Variants in XYLT1 observed in about 807,000 individuals in gnomAD.
XYLT1 encodes xylosyltransferase 1, also known as beta-D-xylosyltransferase 1.
XYLT1 carries 36 observed loss-of-function variants against 91.3 expected under a neutral mutation model. The observed-to-expected ratio is 0.39, with a 90% CI of 0.30 to 0.52. XYLT1 has a LOEUF of 0.52. XYLT1 is among the 20% of genes least tolerant of loss of function. The pLI, the probability that XYLT1 is intolerant of heterozygous loss-of-function variation, is 0.68. For synonymous variants in XYLT1, 588 were observed against 532.0 expected (o/e 1.11, Z -1.45); for missense variants, 1,242 against 1,284.5 (o/e 0.97, Z 0.51).
intron 5 of XYLT1, among the ~76,000 whole-genome samples, chr16:17,186,668 G>A (rs2032190530): frequency 6.6e-6 from 1 of 152,112 alleles, no homozygotes; most frequent in Admixed American, 6.5e-5. Flanking sequence ...ATAGTGAGAT[G>A]TCAAGCTCCT....
At chr16:17,241,145 A>C (rs556614770) in intron 3 of XYLT1, among the ~76,000 whole-genome samples, 1 of 152,210 alleles carries the variant, frequency 6.6e-6, no homozygotes, top group Non-Finnish European at 1.5e-5. Context: ...TTGCTCTACA[A>C]ATGCATTATT....
intron 1 of XYLT1, among the ~76,000 whole-genome samples, chr16:17,412,664 G>A (rs1196731486): frequency 6.6e-6 from 1 of 152,032 alleles, no homozygotes. Context: ...TTTCCCAGTG[G>A]AAACAGGACA....
At chr16:17,149,285 C>T (rs2031223578) in intron 6 of XYLT1, among the ~76,000 whole-genome samples, 2 of 152,248 alleles carry the variant, frequency 1.3e-5, no homozygotes, top group African/African-American at 2.4e-5. Context: ...AGCTGTCCCA[C>T]TGTAAGTTTT....
chr16:17,270,935 C>G (rs2033878771), intron 2 of XYLT1, among the ~76,000 whole-genome samples: 2 of 152,154 alleles, frequency 1.3e-5, no homozygotes, highest in Admixed American at 1.3e-4. Context: ...GAGGCTGAGC[C>G]AGGCTTGCCC....
chr16:17,358,479 A>C (rs548028023), intron 1 of XYLT1, among the ~76,000 whole-genome samples: 1 of 152,252 alleles, frequency 6.6e-6, no homozygotes, highest in East Asian at 1.9e-4. Context: ...CCCAGTGGTC[A>C]AGCCACCCCA....
intron 3 of XYLT1, among the ~76,000 whole-genome samples, chr16:17,213,087 C>T (rs1414801225): frequency 6.6e-6 from 1 of 152,140 alleles, no homozygotes; most frequent in African/African-American, 2.4e-5. Context: ...GAGGTGGGAC[C>T]TGGTGGGAGG....
At chr16:17,376,157 G>A (rs1436312278) in intron 1 of XYLT1, among the ~76,000 whole-genome samples, 1 of 152,216 alleles carries the variant, frequency 6.6e-6, no homozygotes, top group Non-Finnish European at 1.5e-5. Context: ...CCAGGGGGGT[G>A]GTTTTGTCCC....
chr16:17,283,803 G>A (rs1476374931), intron 2 of XYLT1, among the ~76,000 whole-genome samples: 1 of 152,140 alleles, frequency 6.6e-6, no homozygotes, highest in Non-Finnish European at 1.5e-5. Flanking sequence ...TTATCACATA[G>A]GGGCGGGGTG....
intron 3 of XYLT1, among the ~76,000 whole-genome samples, chr16:17,255,242 GC>G (rs1401739091): frequency 6.6e-6 from 1 of 151,788 alleles, no homozygotes; most frequent in Non-Finnish European, 1.5e-5. Flanking sequence ...CAAATGATCT[GC>G]CTACCTCAGT....
chr16:17,245,369 T>C (rs1380183763), intron 3 of XYLT1, among the ~76,000 whole-genome samples: 1 of 152,240 alleles, frequency 6.6e-6, no homozygotes, highest in Non-Finnish European at 1.5e-5. Context: ...TTTCTCACTC[T>C]ATCCATGCCA....
chr16:17,217,055 G>T (rs1397711559), intron 3 of XYLT1, among the ~76,000 whole-genome samples: 4 of 152,174 alleles, frequency 2.6e-5, no homozygotes, highest in African/African-American at 4.8e-5. Context: ...TGAATAAATG[G>T]ACATAGAAAC....
chr16:17,174,497 C>G (rs2031895812), intron 5 of XYLT1, among the ~76,000 whole-genome samples: 2 of 152,110 alleles, frequency 1.3e-5, no homozygotes, highest in Admixed American at 1.3e-4. Flanking sequence ...AAACATAATG[C>G]TAAGTGAAAG....
At chr16:17,172,027 C>T (rs1410567626) in intron 5 of XYLT1, among the ~76,000 whole-genome samples, 1 of 152,174 alleles carries the variant, frequency 6.6e-6, no homozygotes, top group African/African-American at 2.4e-5. Context: ...TTTATAATAA[C>T]AGGAATCGCA....
intron 2 of XYLT1, among the ~76,000 whole-genome samples, chr16:17,297,625 AG>A (rs2141806632): frequency 6.6e-6 from 1 of 151,936 alleles, no homozygotes; most frequent in Non-Finnish European, 1.5e-5. Context: ...CAGGAGGCTG[AG>A]GTGGGAGGAT....
intron 1 of XYLT1, among the ~76,000 whole-genome samples, chr16:17,359,805 G>C (rs138554135): frequency 2.0e-4 from 30 of 152,304 alleles, no homozygotes; most frequent in African/African-American, 7.0e-4. Flanking sequence ...GTGGCAGCTA[G>C]GATTGGTAAA....
chr16:17,325,072 C>T (rs984720258), intron 2 of XYLT1, among the ~76,000 whole-genome samples: 3 of 152,014 alleles, frequency 2.0e-5, no homozygotes, highest in African/African-American at 4.8e-5. Context: ...AAAAAATATG[C>T]AGCCAATATA....
chr16:17,161,282 T>C (rs1199767842), intron 5 of XYLT1, among the ~76,000 whole-genome samples: 1 of 152,000 alleles, frequency 6.6e-6, no homozygotes, highest in East Asian at 1.9e-4. Flanking sequence ...TCTCAAAAGA[T>C]GACATCTTGG....
In XYLT1 at chr16:17,380,154, G is replaced by A. The variant is rs2035661102; in HGVS notation, c.364-22104C>T. The stretch of plus-strand genomic sequence containing the variant: ...AACACAAAAATTAGCTAGGCATGGT[G>A]GTGCACACCTGTAATCCCAGCTATT... On this transcript the variant is annotated intron_variant, in intron 1 of 11. Transcript: ENST00000261381. Among the ~76,000 whole-genome samples, 5 of 152,268 alleles carry A rather than the reference G, an allele frequency of 3.3e-5. No homozygotes were observed. In the South Asian group the frequency reaches 1.0e-3, roughly 32 times the overall value.
chr16:17,458,205 T>C (rs963322798), intron 1 of XYLT1, among the ~76,000 whole-genome samples: 13 of 152,338 alleles, frequency 8.5e-5, no homozygotes, highest in African/African-American at 2.9e-4. Context: ...CGATGCCCTT[T>C]TGAATTGCTG....
Sources: allele counts gnomAD v4.1 joint callset (sites outside exome capture counted in the v4.1 genomes callset), GRCh38; gene constraint gnomAD v4.1.1; transcripts MANE v1.5; gene names NCBI Gene and HGNC (gene_info 2026-07-23, HGNC 2026-07-21).